PHKA1: variants seen among roughly 807,000 people sequenced by gnomAD.
The protein encoded by PHKA1 is phosphorylase kinase regulatory subunit alpha 1, also known as phosphorylase b kinase regulatory subunit alpha, skeletal muscle isoform.
Under a neutral mutation model 110.2 loss-of-function variants are expected in PHKA1, and 60 were observed. That is an observed-to-expected ratio of 0.54 (90% CI 0.44 to 0.68). PHKA1 has a LOEUF of 0.68. Ranked by LOEUF, PHKA1 falls within the 30% of genes least tolerant of loss-of-function variation. The probability of loss-of-function intolerance (pLI) is 0.00; values close to 1 mark genes in which losing one functional copy is unlikely to be tolerated. For synonymous variants in PHKA1, 316 were observed against 333.6 expected (o/e 0.95, Z 0.58); for missense variants, 801 against 942.5 (o/e 0.85, Z 1.97).
chrX:72,596,059 A>G (rs1489021283), intron 28 of PHKA1, among the ~76,000 whole-genome samples: 1 of 112,237 alleles, frequency 8.9e-6, no homozygotes, highest in Non-Finnish European at 1.9e-5. Flanking sequence ...ATATATTAAC[A>G]ACTGAATGGC....
intron 23 of PHKA1, among the ~76,000 whole-genome samples, chrX:72,605,892 T>C (rs1389033354): frequency 1.8e-5 from 2 of 112,550 alleles, no homozygotes; most frequent in African/African-American, 6.5e-5. Flanking sequence ...ACCATGATGT[T>C]CTTCTAGACT....
At chrX:72,686,427 A>T (rs1439496969) in intron 4 of PHKA1, among the ~76,000 whole-genome samples, 3 of 112,086 alleles carry the variant, frequency 2.7e-5, no homozygotes, top group Non-Finnish European at 5.6e-5. Context: ...TTGCTTTTTC[A>T]TATATAAGTA....
At chrX:72,635,967 AT>A (rs1296403351) in intron 15 of PHKA1, among the ~76,000 whole-genome samples, 1 of 112,211 alleles carries the variant, frequency 8.9e-6, no homozygotes, top group East Asian at 2.8e-4. Flanking sequence ...TATTTTGTTT[AT>A]AAAGGACACA....
intron 22 of PHKA1, among the ~76,000 whole-genome samples, chrX:72,610,716 C>T (rs1256845213): frequency 9.0e-6 from 1 of 111,623 alleles, no homozygotes; most frequent in Admixed American, 9.5e-5. Context: ...ACATAAGTAG[C>T]TATACTAAGT....
intron 3 of PHKA1, among the ~76,000 whole-genome samples, chrX:72,703,865 A>G (rs2054241067): frequency 8.9e-6 from 1 of 111,886 alleles, no homozygotes; most frequent in African/African-American, 3.2e-5. Flanking sequence ...TTCTAATAAA[A>G]CACAATCTTG....
chrX:72,615,752 GGGAAGGAAGGAAGGAAGGAA>G (rs563484322), intron 21 of PHKA1, among the ~76,000 whole-genome samples: 3 of 33,450 alleles, frequency 9.0e-5, no homozygotes, highest in African/African-American at 3.8e-4. Flanking sequence ...GAAGGAGGGG[GGGAAGGAAGGAAGGAAGGAA>G]GGAAGGAAGG....
At chrX:72,598,141 T>C (rs1375427638) in intron 28 of PHKA1, among the ~76,000 whole-genome samples, 1 of 111,170 alleles carries the variant, frequency 9.0e-6, no homozygotes, top group Non-Finnish European at 1.9e-5. Flanking sequence ...ATCCAGAATA[T>C]ATAAAGAATC....
In PHKA1 at chrX:72,627,067, T is replaced by A; in HGVS notation, c.1715-18A>T. The stretch of plus-strand genomic sequence containing the variant: ...ATCTTCATCTTGAAATGAACAGAAT[T>A]TTAAAACAATCTTTGTGGTTTTAAC... On this transcript the variant is annotated intron_variant, in intron 16 of 31. Coordinates refer to ENST00000373542, the MANE Select transcript of PHKA1 (RefSeq NM_002637.4). The A allele has an allele frequency of 8.8e-7, 1 of 1,139,848 alleles. No homozygotes were observed. 93.9% of individuals were successfully genotyped at this position (1,139,848 alleles called of 1,213,427 possible).
chrX:72,633,548 C>T (rs1556289669), intron 16 of PHKA1, among the ~76,000 whole-genome samples: 1 of 111,487 alleles, frequency 9.0e-6, no homozygotes, highest in African/African-American at 3.3e-5. Flanking sequence ...TAATTCATAC[C>T]TTATATCTAG....
rs1383164211 is a variant in PHKA1, at chrX:72,656,370, A to G, written c.919-128T>C. On this transcript the variant is annotated intron_variant, in intron 9 of 31. Transcript: ENST00000373542. ...AAGGTGTTCAGGAAGCAGAGCATGT[A>G]CATACTCCCTTCCCTTAGCAAGTAC... is the stretch of plus-strand genomic sequence containing the variant. 1.2e-5 allele frequency: 8 copies of G among 651,897 alleles called. No individual in the cohort carries two copies. In the African/African-American group the frequency reaches 1.5e-4, roughly 12 times the overall value. 53.7% of individuals were successfully genotyped at this position (651,897 alleles called of 1,213,427 possible).
At chrX:72,658,115 T>C in intron 8 of PHKA1, among the ~76,000 whole-genome samples, 1 of 111,992 alleles carries the variant, frequency 8.9e-6, no homozygotes, top group Admixed American at 9.4e-5. Context: ...CAACCACCAT[T>C]CCGTTATAGT....
intron 28 of PHKA1, among the ~76,000 whole-genome samples, chrX:72,593,921 G>A (rs1469059672): frequency 3.6e-5 from 4 of 111,782 alleles, no homozygotes; most frequent in Non-Finnish European, 5.6e-5. Flanking sequence ...TGCCCTCATG[G>A]GCCATAAGAT....
intron 16 of PHKA1, among the ~76,000 whole-genome samples, chrX:72,627,929 G>A (rs976029807): frequency 2.9e-5 from 3 of 103,654 alleles, no homozygotes; most frequent in Admixed American, 1.1e-4. Context: ...GCCATTCTCC[G>A]GCCTCAGCCT....
intron 10 of PHKA1, 51 bp downstream of exon 10, chrX:72,656,069 A>G: frequency 4.2e-6 from 5 of 1,190,283 alleles, no homozygotes; most frequent in South Asian, 3.5e-5. Flanking sequence ...ATTAGCTGTA[A>G]GAAGATATAA....
chrX:72,617,402 A>G (rs1457438007), intron 21 of PHKA1, among the ~76,000 whole-genome samples: 3 of 111,139 alleles, frequency 2.7e-5, no homozygotes, highest in African/African-American at 9.8e-5. Flanking sequence ...CACCTGTGGT[A>G]CCAGCTACTC....
In PHKA1 at chrX:72,665,710, A is replaced by G. The variant is rs907943890; in HGVS notation, c.864+441T>C. On this transcript the variant is annotated intron_variant, in intron 8 of 31. Transcript: ENST00000373542. ...AAATCTGATCAAGTTGGTACCTTGT[A>G]TCTTTTTATTGTTGAGCAGTATTCT... Among the ~76,000 whole-genome samples the G allele has an allele frequency of 2.7e-5, 3 of 112,314 alleles. No individual in the cohort carries two copies. In the South Asian group the frequency reaches 1.1e-3, roughly 41 times the overall value.
intron 21 of PHKA1, 129 bp downstream of exon 21, chrX:72,618,581 A>T: frequency 1.8e-6 from 1 of 542,246 alleles, no homozygotes; most frequent in South Asian, 2.9e-5. Flanking sequence ...TTGAAGTCAC[A>T]TGATGGATAG....
chrX:72,656,297 A>G, intron 9 of PHKA1, 55 bp from the exon 10 acceptor site: 1 of 1,139,775 alleles, frequency 8.8e-7, no homozygotes, highest in South Asian at 1.8e-5. Flanking sequence ...GTATATCTTT[A>G]GCTCAGAGGT....
chrX:72,638,937 T>A (rs933273558), intron 14 of PHKA1, among the ~76,000 whole-genome samples: 4 of 111,761 alleles, frequency 3.6e-5, no homozygotes, highest in African/African-American at 1.3e-4. Context: ...GAGTGTCCCT[T>A]CTGTCCAAGG....
Sources: allele counts gnomAD v4.1 joint callset (sites outside exome capture counted in the v4.1 genomes callset), GRCh38; gene constraint gnomAD v4.1.1; transcripts MANE v1.5; gene names NCBI Gene and HGNC (gene_info 2026-07-23, HGNC 2026-07-21).